FGF12: variants seen among roughly 807,000 people sequenced by gnomAD.
FGF12 encodes the protein fibroblast growth factor 12B.
FGF12 carries 14 observed loss-of-function variants against 23.6 expected under a neutral mutation model. The ratio of observed to expected loss-of-function variants is 0.59; its 90% CI spans 0.39 to 0.93. FGF12 has a LOEUF of 0.93. Ranked by LOEUF, FGF12 falls within the 40% of genes least tolerant of loss-of-function variation. FGF12 has a pLI of 0.00. For missense variants in FGF12, 175 were observed against 217.8 expected, an observed-to-expected ratio of 0.80 and a Z score of 1.24; for synonymous variants, 62 against 77.3, an observed-to-expected ratio of 0.80 and a Z score of 1.04.
chr3:192,431,221 T>G (rs937375152), intron 2 of FGF12, among the ~76,000 whole-genome samples: 9 of 152,240 alleles, frequency 5.9e-5, no homozygotes, highest in Non-Finnish European at 8.8e-5. Flanking sequence ...CTCGCCCTAC[T>G]TACACAGGAG....
chr3:192,239,160 T>C (rs1488220019), intron 4 of FGF12, among the ~76,000 whole-genome samples: 2 of 152,170 alleles, frequency 1.3e-5, no homozygotes, highest in Admixed American at 1.3e-4. Context: ...AAAAAATATC[T>C]GCAGGATACA....
chr3:192,456,412 TTAGA>T (rs1722682980), intron 2 of FGF12, among the ~76,000 whole-genome samples: 2 of 152,208 alleles, frequency 1.3e-5, no homozygotes, highest in South Asian at 2.1e-4. Context: ...TTCATTGCAA[TTAGA>T]TAGTTTTGAA....
intron 2 of FGF12, among the ~76,000 whole-genome samples, chr3:192,449,360 C>A (rs6775137): frequency 0.36 from 55,235 of 151,922 alleles, 12,068 homozygotes; most frequent in Middle Eastern, 0.58. Flanking sequence ...GTGGTGCTCA[C>A]AGACCCAGAA....
chr3:192,574,027 G>C (rs1178931549), intron 2 of FGF12, among the ~76,000 whole-genome samples: 3 of 152,212 alleles, frequency 2.0e-5, no homozygotes, highest in Non-Finnish European at 2.9e-5. Context: ...AGGATCATGG[G>C]AGTGAAGTAT....
intron 2 of FGF12, among the ~76,000 whole-genome samples, chr3:192,564,037 G>GGT (rs1553830900): frequency 8.1e-5 from 11 of 135,626 alleles, no homozygotes; most frequent in African/African-American, 3.8e-4. Flanking sequence ...GTAGTTTTTT[G>GGT]TTTTTTTTTG....
rs755156124 is a variant in FGF12 at position 192,172,967 on chromosome 3, A to G, written c.229-2311T>C. On this transcript the variant is annotated intron_variant, in intron 4 of 5. Coordinates refer to ENST00000445105, the MANE Select transcript of FGF12 (RefSeq NM_004113.6). ...TAATACCATTCAATTATAAAAAAGA[A>G]TGAAATACTGATTTATGTGGCAACA... 3.3e-5 allele frequency among the ~76,000 whole-genome samples: 5 copies of G among 151,112 alleles called. 1 individual carries two copies. The highest frequency in any genetic ancestry group is 7.4e-5 in the Non-Finnish European group (5 of 67,700).
rs1392888891 is a variant in FGF12 at position 192,144,124 on chromosome 3, C to A, written c.431G>T (p.Cys144Phe). 1.3e-6 allele frequency: 2 copies of A among 1,598,166 alleles called. No homozygotes were observed. Among genetic ancestry groups the A allele is most frequent in the Non-Finnish European group, 1.7e-6 (2 of 1,167,684 alleles). Residue 144 changes from cysteine to phenylalanine, a missense_variant, in exon 6 of 6, where the codon TGT becomes TTT. Physicochemically the swap from Cys to Phe is radical, Grantham distance 205 (BLOSUM62 -2). Coordinates refer to ENST00000445105, the MANE Select transcript of FGF12 (RefSeq NM_004113.6). ...SHFVPKPIEV[C>F]MYREPSLHEI... Reference sequence around the variant, plus strand: ...ATGTAGCGATGGTTCTCTGTACATACACACTGAAAGGCAAAATAACAAAAA... The same window carrying A: ...ATGTAGCGATGGTTCTCTGTACATAAACACTGAAAGGCAAAATAACAAAAA...
At chr3:192,426,773 G>A (rs554927951) in intron 2 of FGF12, among the ~76,000 whole-genome samples, 1 of 152,204 alleles carries the variant, frequency 6.6e-6, no homozygotes, top group Non-Finnish European at 1.5e-5. Flanking sequence ...TACATAAGTA[G>A]TATCAGGATT....
At chr3:192,276,213 C>A (rs561671033) in intron 4 of FGF12, among the ~76,000 whole-genome samples, 2 of 129,180 alleles carry the variant, frequency 1.5e-5, no homozygotes, top group African/African-American at 2.8e-5. Flanking sequence ...AAATATAGTC[C>A]ACGTGTTTAA....
chr3:192,703,078 T>C (rs1362953043), intron 2 of FGF12, among the ~76,000 whole-genome samples: 1 of 152,218 alleles, frequency 6.6e-6, no homozygotes, highest in Non-Finnish European at 1.5e-5. Flanking sequence ...GCATTTTAAA[T>C]ATGCTGTTTT....
At chr3:192,340,164 C>A (rs1248144788) in intron 3 of FGF12, among the ~76,000 whole-genome samples, 1 of 152,040 alleles carries the variant, frequency 6.6e-6, no homozygotes, top group African/African-American at 2.4e-5. Flanking sequence ...CTCCCTACAT[C>A]TTCACACTGA....
At chr3:192,222,216 A>G (rs1186800728) in intron 4 of FGF12, among the ~76,000 whole-genome samples, 1 of 152,148 alleles carries the variant, frequency 6.6e-6, no homozygotes, top group Admixed American at 6.6e-5. Flanking sequence ...GAGATGGATG[A>G]AAGCCAGGTT....
intron 4 of FGF12, among the ~76,000 whole-genome samples, chr3:192,268,955 C>T (rs551927269): frequency 2.0e-5 from 3 of 152,092 alleles, no homozygotes; most frequent in African/African-American, 7.2e-5. Flanking sequence ...CACTCTGTCA[C>T]CCAGGCTGGA....
chr3:192,184,798 G>A (rs1263188950), intron 4 of FGF12, among the ~76,000 whole-genome samples: 6 of 152,154 alleles, frequency 3.9e-5, no homozygotes, highest in African/African-American at 7.2e-5. Context: ...TTCTCCAAAC[G>A]TGTTTTATCT....
chr3:192,670,882 T>C (rs1433078211), intron 2 of FGF12, among the ~76,000 whole-genome samples: 1 of 152,140 alleles, frequency 6.6e-6, no homozygotes, highest in Admixed American at 6.6e-5. Flanking sequence ...GAAATTGAAT[T>C]GCAAAGGTGA....
intron 4 of FGF12, among the ~76,000 whole-genome samples, chr3:192,331,534 T>A (rs534564288): frequency 5.9e-5 from 9 of 152,222 alleles, no homozygotes; most frequent in Non-Finnish European, 7.4e-5. Context: ...AATCCTGTCA[T>A]ATTCTACAAC....
At chr3:192,491,155 C>T (rs1723790097) in intron 2 of FGF12, among the ~76,000 whole-genome samples, 1 of 152,118 alleles carries the variant, frequency 6.6e-6, no homozygotes, top group Non-Finnish European at 1.5e-5. Context: ...ACCTTTTTCT[C>T]TCTTATTCCT....
chr3:192,550,410 A>G (rs1001862177), intron 2 of FGF12, among the ~76,000 whole-genome samples: 55 of 149,874 alleles, frequency 3.7e-4, no homozygotes, highest in Non-Finnish European at 7.2e-4. Context: ...TATTACATAT[A>G]TAACATATTA....
rs551787605 is a variant in FGF12 at position 192,666,223 on chromosome 3, T to C, written c.13+60958A>G. ...ATTAAGGATGCTTTCTTGAGTTTCA[T>C]ATCTGTTTTCAACTCAGTTTTATAT... On this transcript the variant is annotated intron_variant, in intron 2 of 5. Coordinates refer to ENST00000445105, the MANE Select transcript of FGF12 (RefSeq NM_004113.6). 9.2e-5 allele frequency among the ~76,000 whole-genome samples: 14 copies of C among 152,374 alleles called. No individual in the cohort carries two copies. The South Asian group carries it at 2.7e-3, about 29-fold the overall frequency.
Sources: gnomAD v4.1 joint callset for allele counts (sites outside exome capture counted in the v4.1 genomes callset) on GRCh38, gnomAD v4.1.1 for gene constraint, MANE v1.5 for transcripts, NCBI Gene and HGNC (gene_info 2026-07-23, HGNC 2026-07-21) for gene names.